RELN: variants seen among roughly 807,000 people sequenced by gnomAD.
RELN encodes the protein reelin.
Under a neutral mutation model 427.6 loss-of-function variants are expected in RELN, and 108 were observed. The ratio of observed to expected loss-of-function variants is 0.25; its 90% CI spans 0.22 to 0.30. The LOEUF (loss-of-function observed/expected upper bound fraction) is 0.30. Among genes scored for constraint, RELN ranks in the 10% least tolerant of loss-of-function variants. The pLI is 1.00. For synonymous variants in RELN, 1,524 were observed against 1,513.4 expected (o/e 1.01, Z -0.16); for missense variants, 3,715 against 4,302.8 (o/e 0.86, Z 3.82).
intron 1 of RELN, among the ~76,000 whole-genome samples, chr7:103,947,258 T>G (rs1019419760): frequency 2.6e-5 from 4 of 152,312 alleles, no homozygotes; most frequent in Non-Finnish European, 4.4e-5. Flanking sequence ...AAAACAGTGG[T>G]GACTGTAACA....
intron 2 of RELN, among the ~76,000 whole-genome samples, chr7:103,863,146 C>G (rs958818832): frequency 6.6e-6 from 1 of 152,138 alleles, no homozygotes; most frequent in African/African-American, 2.4e-5. Context: ...CAGCAATGAT[C>G]AGCTTGGCAA....
intron 16 of RELN, among the ~76,000 whole-genome samples, chr7:103,643,738 T>C (rs1363560890): frequency 2.0e-5 from 3 of 152,024 alleles, no homozygotes; most frequent in Non-Finnish European, 2.9e-5. Flanking sequence ...TGGGATCCTA[T>C]TTTTAGGTTT....
intron 3 of RELN, among the ~76,000 whole-genome samples, chr7:103,782,295 G>A (rs1032646649): frequency 1.3e-5 from 2 of 152,102 alleles, no homozygotes; most frequent in Non-Finnish European, 2.9e-5. Flanking sequence ...TAAGAATTAA[G>A]CGTGCATTCT....
chr7:103,955,678 C>T (rs1796418576), intron 1 of RELN, among the ~76,000 whole-genome samples: 1 of 152,156 alleles, frequency 6.6e-6, no homozygotes, highest in Non-Finnish European at 1.5e-5. Context: ...GAGTTGGGCA[C>T]TGTAAGGCCC....
intron 4 of RELN, among the ~76,000 whole-genome samples, chr7:103,762,172 TG>T (rs991325184): frequency 6.6e-6 from 1 of 152,152 alleles, no homozygotes; most frequent in Non-Finnish European, 1.5e-5. Flanking sequence ...CCTAAAGGAA[TG>T]GGCATGCTTC....
chr7:103,853,919 G>C (rs1391233548), intron 2 of RELN, among the ~76,000 whole-genome samples: 1 of 152,034 alleles, frequency 6.6e-6, no homozygotes, highest in Admixed American at 6.6e-5. Flanking sequence ...AGTTGGGTGA[G>C]TATGGTTAAC....
At chr7:103,836,999 T>C (rs1298611325) in intron 2 of RELN, among the ~76,000 whole-genome samples, 1 of 152,212 alleles carries the variant, frequency 6.6e-6, no homozygotes, top group Non-Finnish European at 1.5e-5. Context: ...TTGAAAGGAC[T>C]CCTCAATCCC....
At chr7:103,625,568 C>T (rs1832310908) in intron 20 of RELN, among the ~76,000 whole-genome samples, 1 of 152,120 alleles carries the variant, frequency 6.6e-6, no homozygotes, top group African/African-American at 2.4e-5. Context: ...ATGGCAGGCT[C>T]ATGGTAGGTA....
At chr7:103,880,456 A>G (rs1171050341) in intron 2 of RELN, among the ~76,000 whole-genome samples, 1 of 152,140 alleles carries the variant, frequency 6.6e-6, no homozygotes, top group African/African-American at 2.4e-5. Flanking sequence ...TATAGGTTAT[A>G]TATATTCAAT....
chr7:103,884,530 C>T (rs1303183770), intron 2 of RELN, among the ~76,000 whole-genome samples: 1 of 152,042 alleles, frequency 6.6e-6, no homozygotes, highest in Non-Finnish European at 1.5e-5. Flanking sequence ...TGCAATCTGT[C>T]CATCTGACAA....
intron 1 of RELN, among the ~76,000 whole-genome samples, chr7:103,957,737 A>C (rs929508362): frequency 6.6e-6 from 1 of 152,192 alleles, no homozygotes; most frequent in Non-Finnish European, 1.5e-5. Flanking sequence ...CTTTCACATA[A>C]GGCTTTTTAG....
At chr7:103,959,700 TC>T (rs1796507499) in intron 1 of RELN, among the ~76,000 whole-genome samples, 1 of 151,946 alleles carries the variant, frequency 6.6e-6, no homozygotes, top group African/African-American at 2.4e-5. Context: ...AGCTTAAACC[TC>T]CCTAGCTCAC....
intron 11 of RELN, among the ~76,000 whole-genome samples, chr7:103,672,326 C>T (rs2115631340): frequency 6.6e-6 from 1 of 152,236 alleles, no homozygotes; most frequent in South Asian, 2.1e-4. Context: ...TATTAACCAA[C>T]TCAAGTATGG....
At chr7:103,798,229 A>C (rs1792357728) in intron 3 of RELN, among the ~76,000 whole-genome samples, 1 of 152,200 alleles carries the variant, frequency 6.6e-6, no homozygotes, top group African/African-American at 2.4e-5. Context: ...CAATTTGAAA[A>C]CAAATATGTA....
chr7:103,886,333 C>T (rs1300938222), intron 2 of RELN, among the ~76,000 whole-genome samples: 2 of 152,016 alleles, frequency 1.3e-5, no homozygotes, highest in African/African-American at 4.8e-5. Context: ...AGATTTTTTT[C>T]TTTATGCATC....
intron 1 of RELN, among the ~76,000 whole-genome samples, chr7:103,935,220 A>G (rs1462070715): frequency 6.6e-6 from 1 of 152,126 alleles, no homozygotes; most frequent in Non-Finnish European, 1.5e-5. Context: ...TTGCCTCCAT[A>G]CTGCTGCATT....
At chr7:103,492,834 G>A (rs928604132) in intron 57 of RELN, among the ~76,000 whole-genome samples, 3 of 152,184 alleles carry the variant, frequency 2.0e-5, no homozygotes, top group African/African-American at 7.2e-5. Context: ...GGAAGAGTGT[G>A]AGAGGTAGAG....
In RELN at chr7:103,640,080, C is replaced by T. The variant is rs545325480; in HGVS notation, c.2069+463G>A. Among the ~76,000 whole-genome samples, 12 of 152,220 alleles carry T rather than the reference C, an allele frequency of 7.9e-5. No individual in the cohort carries two copies. The highest frequency in any genetic ancestry group is 2.4e-4 in the African/African-American group (10 of 41,534). On this transcript the variant is annotated intron_variant, in intron 17 of 64. Coordinates refer to ENST00000428762, the MANE Select transcript of RELN (RefSeq NM_005045.4). The surrounding 1 kb of genome is among the most constrained non-coding windows in gnomAD (Gnocchi z 4.1). ...AAATGATTTTCAAAAGTAAACAAGA[C>T]GCTTAAGTTATATTTAAAGATGATG... is the stretch of plus-strand genomic sequence containing the variant.
At chr7:103,538,969 G>T in intron 45 of RELN, 109 bp downstream of exon 45, 1 of 1,224,832 alleles carries the variant, frequency 8.2e-7, no homozygotes. Flanking sequence ...AAGTGCACTT[G>T]TGTTTTATTT....
Sources: gnomAD v4.1 joint callset for allele counts (sites outside exome capture counted in the v4.1 genomes callset) on GRCh38, gnomAD v4.1.1 for gene constraint, Gnocchi (gnomAD v3.1) non-coding constraint, MANE v1.5 for transcripts, NCBI Gene and HGNC (gene_info 2026-07-23, HGNC 2026-07-21) for gene names.